Variants in COX10 observed in about 807,000 individuals in gnomAD.
The protein encoded by COX10 is cytochrome c oxidase assembly factor heme A:farnesyltransferase COX10, also known as protoheme IX farnesyltransferase, mitochondrial.
Under a neutral mutation model 37.3 loss-of-function variants are expected in COX10, and 27 were observed. The ratio of observed to expected loss-of-function variants is 0.72; its 90% CI spans 0.53 to 1.00. The LOEUF is 1.00. Ranked by LOEUF, COX10 falls within the 50% of genes least tolerant of loss-of-function variation. COX10 has a pLI of 0.00. For synonymous variants in COX10, 222 were observed against 229.1 expected (o/e 0.97, Z 0.28); for missense variants, 475 against 563.2 (o/e 0.84, Z 1.59).
intron 4 of COX10, among the ~76,000 whole-genome samples, chr17:14,113,971 A>ATTCT (rs1165802773): frequency 6.6e-6 from 1 of 152,160 alleles, no homozygotes; most frequent in Non-Finnish European, 1.5e-5. Context: ...TCCATGTGAA[A>ATTCT]TTCTTTGGCC....
chr17:14,158,094 A>G (rs527832413), intron 4 of COX10, among the ~76,000 whole-genome samples: 20 of 152,286 alleles, frequency 1.3e-4, no homozygotes, highest in East Asian at 1.2e-3. Flanking sequence ...GATACTTACT[A>G]TGAATGACAG....
At chr17:14,159,767 C>A in intron 4 of COX10, 110 bp from the exon 5 acceptor site, 2 of 802,484 alleles carry the variant, frequency 2.5e-6, no homozygotes, top group Non-Finnish European at 4.2e-6. Flanking sequence ...TTGATTTATG[C>A]TATCGAAATT....
intron 5 of COX10, among the ~76,000 whole-genome samples, chr17:14,180,077 T>G (rs1362832885): frequency 6.6e-6 from 1 of 152,128 alleles, no homozygotes; most frequent in African/African-American, 2.4e-5. Context: ...GTTTTACCAG[T>G]AAGCACTTAA....
chr17:14,123,255 T>C (rs1056396654), intron 4 of COX10, among the ~76,000 whole-genome samples: 1 of 152,204 alleles, frequency 6.6e-6, no homozygotes, highest in Non-Finnish European at 1.5e-5. Flanking sequence ...CCTGCTGCTT[T>C]TTCTACCAGC....
At chr17:14,188,066 A>G (rs928737366) in intron 5 of COX10, among the ~76,000 whole-genome samples, 42 of 150,994 alleles carry the variant, frequency 2.8e-4, no homozygotes, top group African/African-American at 1.0e-3. Context: ...ACTGGCCTCC[A>G]CAGAACTTGA....
chr17:14,098,345 A>G (rs868695904), intron 3 of COX10, among the ~76,000 whole-genome samples: 4 of 152,124 alleles, frequency 2.6e-5, no homozygotes, highest in Non-Finnish European at 5.9e-5. Context: ...GCATGGTAGA[A>G]TTCTGATACA....
At chr17:14,192,266 A>G in intron 6 of COX10, 45 bp downstream of exon 6, 6 of 1,613,974 alleles carry the variant, frequency 3.7e-6, no homozygotes, top group Admixed American at 1.7e-5. Context: ...ACACTCGGTC[A>G]AGGAGGCATT....
chr17:14,148,701 T>C (rs1904802230), intron 4 of COX10, among the ~76,000 whole-genome samples: 1 of 152,110 alleles, frequency 6.6e-6, no homozygotes, highest in Non-Finnish European at 1.5e-5. Context: ...AGAATACATC[T>C]GCCTTTTGCA....
rs951551678 is a variant in COX10, at chr17:14,177,350, G to A, written c.696-14639G>A. ...AAAATACCAACTCCATGTGTCTGAG[G>A]TATCACTTATAGTTTAAAAAAAATG... On this transcript the variant is annotated intron_variant, in intron 5 of 6. Transcript: ENST00000261643. 1.3e-5 allele frequency: 8 copies of A among 609,872 alleles called. No homozygotes were observed. In the Admixed American group the frequency reaches 1.4e-4, roughly 11 times the overall value. The allele number at this position is 609,872 out of a possible 1,614,324, so 37.8% of individuals were successfully genotyped here.
chr17:14,149,068 AAGG>A (rs1207364842), intron 4 of COX10, among the ~76,000 whole-genome samples: 1 of 149,504 alleles, frequency 6.7e-6, no homozygotes, highest in African/African-American at 2.4e-5. Flanking sequence ...TATGTATAAT[AAGG>A]AAGCACAAAC....
At chr17:14,137,028 G>A (rs932069825) in intron 4 of COX10, among the ~76,000 whole-genome samples, 6 of 151,790 alleles carry the variant, frequency 4.0e-5, no homozygotes, top group African/African-American at 1.4e-4. Context: ...AATTTAATGG[G>A]TAAAGATGTT....
At chr17:14,076,239 C>T (rs1469057463) in intron 2 of COX10, among the ~76,000 whole-genome samples, 3 of 149,658 alleles carry the variant, frequency 2.0e-5, no homozygotes, top group Non-Finnish European at 4.4e-5. Context: ...GTAGCTGGGA[C>T]TGTGGGCGTA....
chr17:14,098,940 T>C (rs1194117944), intron 3 of COX10, among the ~76,000 whole-genome samples: 1 of 152,132 alleles, frequency 6.6e-6, no homozygotes, highest in African/African-American at 2.4e-5. Flanking sequence ...GAACAGGCTG[T>C]ACCCCTAAGC....
intron 3 of COX10, among the ~76,000 whole-genome samples, chr17:14,088,676 A>C (rs1915464849): frequency 6.6e-6 from 1 of 152,242 alleles, no homozygotes; most frequent in South Asian, 2.1e-4. Flanking sequence ...TCAACATCAC[A>C]TAAGTGAAAA....
intron 5 of COX10, among the ~76,000 whole-genome samples, chr17:14,181,748 A>G (rs2856157): frequency 1.7e-4 from 26 of 152,108 alleles, no homozygotes; most frequent in African/African-American, 4.6e-4. Context: ...GGAGGGATTC[A>G]GTAGTTGGTC....
At chr17:14,135,195 T>C (rs777079791) in intron 4 of COX10, among the ~76,000 whole-genome samples, 12 of 151,860 alleles carry the variant, frequency 7.9e-5, no homozygotes, top group Non-Finnish European at 1.5e-4. Flanking sequence ...TTATGTAGTT[T>C]ATTTGTTCTA....
In COX10 at chr17:14,206,906, A is replaced by G. The variant is rs1906719736; in HGVS notation, c.1025A>G (p.Tyr342Cys). The change falls in exon 7 of 7, where the codon TAC becomes TGC. Residue 342 changes from tyrosine (Y) to cysteine (C), a missense_variant. Physicochemically the swap from Tyr to Cys is radical, Grantham distance 194 (BLOSUM62 -2). Coordinates refer to ENST00000261643, the MANE Select transcript of COX10 (RefSeq NM_001303.4). The stretch of plus-strand genomic sequence containing the variant: ...CGTGAAGACTACTCCCGGGGCGGCT[A>G]CTGCATGATGTCGGTCACCCACCCG... ...GLREDYSRGG[Y>C]CMMSVTHPGL... 2.5e-6 allele frequency: 4 copies of G among 1,613,928 alleles called. No individual in the cohort carries two copies. The highest frequency in any genetic ancestry group is 1.1e-5 in the South Asian group (1 of 91,078).
chr17:14,069,708 A>G (rs1914967166), intron 1 of COX10, 60 bp downstream of exon 1: 1 of 1,603,704 alleles, frequency 6.2e-7, no homozygotes, highest in African/African-American at 1.3e-5. Flanking sequence ...ACCACGTGCG[A>G]GGCCGTGGTT....
chr17:14,082,791 C>T (rs1915325251), intron 3 of COX10, among the ~76,000 whole-genome samples: 1 of 152,126 alleles, frequency 6.6e-6, no homozygotes, highest in African/African-American at 2.4e-5. Context: ...CTTGTTAAAA[C>T]AGTGATTCCT....
Sources: gnomAD v4.1 joint callset for allele counts (sites outside exome capture counted in the v4.1 genomes callset) on GRCh38, gnomAD v4.1.1 for gene constraint, MANE v1.5 for transcripts, NCBI Gene and HGNC (gene_info 2026-07-23, HGNC 2026-07-21) for gene names.